HELZ2: variants seen among roughly 807,000 people sequenced by gnomAD.
HELZ2 encodes the protein helicase with zinc finger 2.
HELZ2 carries 143 observed loss-of-function variants against 208.8 expected under a neutral mutation model. That is an observed-to-expected ratio of 0.68 (90% CI 0.60 to 0.79). The LOEUF (loss-of-function observed/expected upper bound fraction) is 0.79, where lower values mean the gene tolerates loss of function less well. Ranked by LOEUF, HELZ2 falls within the 30% of genes least tolerant of loss-of-function variation. HELZ2 has a pLI of 0.00. For synonymous variants in HELZ2, 1,705 were observed against 1,693.7 expected, an observed-to-expected ratio of 1.01 and a Z score of -0.16; for missense variants, 3,690 against 3,794.5, an observed-to-expected ratio of 0.97 and a Z score of 0.72.
At chr20:63,559,054 AGGAGGAGCAAGAGTGTGGGGACCGGCC>A, downstream of HELZ2, 1 of 588,628 alleles carries the variant, frequency 1.7e-6, no homozygotes, top group Non-Finnish European at 2.9e-6. Flanking sequence ...CCAGATGCCC[AGGAGGAGCAAGAGTGTGGGGACCGGCC>A]CTTGCCGTTC....
At chr20:63,562,764 C>T in exon 8 of HELZ2, 1 of 1,603,644 alleles carries the variant, frequency 6.2e-7, no homozygotes, top group Admixed American at 1.7e-5. Flanking sequence ...CGTGGGCTGG[C>T]CGTGGGAGCC....
chr20:63,563,515 G>A, exon 8 of HELZ2: 1 of 1,514,298 alleles, frequency 6.6e-7, no homozygotes, highest in South Asian at 1.3e-5. Context: ...AGGGGACGGG[G>A]CAGGGGTCAG....
chr20:63,567,373 GAGA>G (rs773461281), exon 6 of HELZ2: 33 of 1,599,644 alleles, frequency 2.1e-5, no homozygotes, highest in African/African-American at 2.7e-5. Context: ...GAGAATGTGG[GAGA>G]AGAAGCCGAC....
At chr20:63,567,218 G>T (rs761694626) in exon 6 of HELZ2, 2 of 1,607,494 alleles carry the variant, frequency 1.2e-6, no homozygotes, top group East Asian at 4.5e-5. Flanking sequence ...AGCAGCGTGT[G>T]CTCGGCCGCC....
chr20:63,561,157 G>A (rs867978970), exon 14 of HELZ2: 1 of 1,613,090 alleles, frequency 6.2e-7, no homozygotes. Context: ...CGTCAACAAG[G>A]ATCTGCCTCA....
chr20:63,558,382 T>TGGGGTGGGGC (rs1270121220), downstream of HELZ2: 12 of 16,860 alleles, frequency 7.1e-4, no homozygotes, highest in East Asian at 0.011. Context: ...TGGGGTGGGG[T>TGGGGTGGGGC]GGGGTGGGGC....
chr20:63,564,342 G>A (rs1039034062), exon 8 of HELZ2: 22 of 1,577,706 alleles, frequency 1.4e-5, no homozygotes, highest in South Asian at 3.4e-5. Flanking sequence ...CGCAGCAGCC[G>A]AGAGAAGTAG....
exon 8 of HELZ2, chr20:63,564,104 C>G: frequency 6.2e-7 from 1 of 1,609,564 alleles, no homozygotes; most frequent in Non-Finnish European, 8.5e-7. Flanking sequence ...CAGGGGCACC[C>G]GGTCCCCATG....
intron 10 of HELZ2, 42 bp downstream of exon 11, chr20:63,562,030 G>A: frequency 6.2e-7 from 1 of 1,600,820 alleles, no homozygotes; most frequent in South Asian, 1.1e-5. Flanking sequence ...GTGGGTCCCT[G>A]TGGCCCAAGG....
chr20:63,572,737 T>C (rs1204235987), upstream of HELZ2: 3 of 269,102 alleles, frequency 1.1e-5, no homozygotes, highest in Non-Finnish European at 2.1e-5. Flanking sequence ...CCTTCAGCCA[T>C]AGGCGCTGGA....
intron 18 of HELZ2, among the ~76,000 whole-genome samples, chr20:63,559,599 G>GT (rs2082859472): frequency 3.7e-5 from 3 of 80,416 alleles, no homozygotes; most frequent in African/African-American, 8.6e-5. Flanking sequence ...TCAGGTGGGA[G>GT]GAGTCAGGGT....
intron 3 of HELZ2, chr20:63,570,180 G>T: frequency 2.1e-6 from 1 of 474,462 alleles, no homozygotes; most frequent in Non-Finnish European, 4.2e-6. Flanking sequence ...GGCTGATCTC[G>T]AACTCCCGAC....
chr20:63,560,580 C>G, exon 16 of HELZ2: 2 of 1,612,636 alleles, frequency 1.2e-6, no homozygotes, highest in African/African-American at 2.7e-5. Context: ...CCAAAGATGA[C>G]AGGGCAGCTC....
chr20:63,568,788 G>T (rs200446090), exon 5 of HELZ2: 1 of 1,611,300 alleles, frequency 6.2e-7, no homozygotes, highest in South Asian at 1.1e-5. Flanking sequence ...CTCTCCAGCC[G>T]CACCTCGAAC....
At chr20:63,568,538 C>T (rs531657638) in exon 5 of HELZ2, 20 of 1,582,224 alleles carry the variant, frequency 1.3e-5, no homozygotes, top group South Asian at 2.3e-5. Context: ...CTCCTGCTTG[C>T]GGTTGCCACG....
At chr20:63,570,601 G>T in exon 3 of HELZ2, 1 of 1,609,248 alleles carries the variant, frequency 6.2e-7, no homozygotes, top group Non-Finnish European at 8.5e-7. Flanking sequence ...TCCATCAAGG[G>T]TCTCTGCCAG....
At chr20:63,563,322 G>C in exon 8 of HELZ2, 2 of 1,540,840 alleles carry the variant, frequency 1.3e-6, no homozygotes, top group Non-Finnish European at 1.7e-6. Context: ...AGCTCCACCA[G>C]CTCCAGCAGC....
At chr20:63,565,399 C>A (rs1421526625) in exon 8 of HELZ2, 1 of 1,610,330 alleles carries the variant, frequency 6.2e-7, no homozygotes, top group Non-Finnish European at 8.5e-7. Context: ...TGGCTGACGC[C>A]CGCTCGAAGG....
chr20:63,564,718 C>T (rs751304285), exon 8 of HELZ2: 1 of 1,609,390 alleles, frequency 6.2e-7, no homozygotes, highest in African/African-American at 1.3e-5. Context: ...TGTGCACAGC[C>T]ACCTCGCACC....
Sources: gnomAD v4.1 joint callset for allele counts (sites outside exome capture counted in the v4.1 genomes callset) on GRCh38, gnomAD v4.1.1 for gene constraint, MANE v1.5 for transcripts, NCBI Gene and HGNC (gene_info 2026-07-23, HGNC 2026-07-21) for gene names.